Variants in MYO5A observed in about 807,000 individuals in gnomAD.
MYO5A encodes the protein unconventional myosin-Va.
MYO5A carries 98 observed loss-of-function variants against 249.7 expected under a neutral mutation model. The ratio of observed to expected loss-of-function variants is 0.39; its 90% CI spans 0.33 to 0.46. The LOEUF (loss-of-function observed/expected upper bound fraction) is 0.46. MYO5A is among the 20% of genes least tolerant of loss of function. The pLI is 0.98. For synonymous variants in MYO5A, 778 were observed against 810.6 expected (o/e 0.96, Z 0.68); for missense variants, 1,696 against 2,308.8 (o/e 0.73, Z 5.44).
chr15:52,525,154 T>C (rs2077708171), intron 1 of MYO5A, among the ~76,000 whole-genome samples: 1 of 152,204 alleles, frequency 6.6e-6, no homozygotes, highest in African/African-American at 2.4e-5. Flanking sequence ...TCAGAAGCAA[T>C]GAGATATCAT....
chr15:52,329,674 T>A lies in MYO5A; in HGVS notation c.4555+679A>T, dbSNP rs188990448. 2.9e-4 allele frequency among the ~76,000 whole-genome samples: 44 copies of A among 152,318 alleles called. 1 individual carries two copies. Among genetic ancestry groups the A allele is most frequent in the Admixed American group, 7.2e-4 (11 of 15,302 alleles). ...CTAGGGGAGTAAGGAAAAACTGAAA[T>A]TCAGGAACCTAAACGGCCTAGAGCA... On this transcript the variant is annotated intron_variant, in intron 35 of 41. Coordinates refer to ENST00000399233, the MANE Select transcript of MYO5A (RefSeq NM_001382347.1).
intron 34 of MYO5A, among the ~76,000 whole-genome samples, chr15:52,332,768 A>C (rs2038947564): frequency 6.6e-6 from 1 of 152,180 alleles, no homozygotes; most frequent in Non-Finnish European, 1.5e-5. Flanking sequence ...GTTCAAGACC[A>C]CCCTGACCAA....
intron 1 of MYO5A, among the ~76,000 whole-genome samples, chr15:52,458,745 T>A (rs2076170717): frequency 6.9e-6 from 1 of 144,366 alleles, no homozygotes; most frequent in South Asian, 2.3e-4. Flanking sequence ...CACAAATACA[T>A]ACAAATATAA....
intron 34 of MYO5A, chr15:52,331,801 A>T (rs552772292): frequency 1.0e-6 from 1 of 985,438 alleles, no homozygotes; most frequent in East Asian, 1.1e-4. Context: ...AATCTGGTTT[A>T]GGTGAAGTCA....
At chr15:52,496,146 T>TA (rs2077034357) in intron 1 of MYO5A, among the ~76,000 whole-genome samples, 2 of 152,036 alleles carry the variant, frequency 1.3e-5, no homozygotes, top group South Asian at 4.2e-4. Context: ...TGGCCTGAGT[T>TA]AAGCTAAGGC....
intron 5 of MYO5A, among the ~76,000 whole-genome samples, chr15:52,411,374 T>C (rs551069984): frequency 6.6e-6 from 1 of 152,290 alleles, no homozygotes; most frequent in South Asian, 2.1e-4. Flanking sequence ...AAAGTAAAAT[T>C]TGGCTTTGGA....
Position 52,311,465 on chromosome 15 carries a change from T to C in MYO5A, c.*2231A>G, listed in dbSNP as rs190202949. On this transcript the variant is annotated 3_prime_UTR_variant, in exon 42 of 42. Transcript: ENST00000399233. ...GAAAAACTGGGAGAATTTGATGCAA[T>C]TGGTAGTGTTTCTGGTTGATACTGC... The C allele has an allele frequency of 3.3e-5, 5 of 152,218 alleles. No individual in the cohort carries two copies. The highest frequency in any genetic ancestry group is 9.6e-5 in the African/African-American group (4 of 41,456). 9.4% of individuals were successfully genotyped at this position (152,218 alleles called of 1,614,324 possible).
chr15:52,474,947 G>C (rs1481446722), intron 1 of MYO5A, among the ~76,000 whole-genome samples: 1 of 152,202 alleles, frequency 6.6e-6, no homozygotes, highest in Non-Finnish European at 1.5e-5. Context: ...GATTGGAATA[G>C]TTTCAGAAGG....
At chr15:52,341,130 A>G (rs1201902802) in intron 31 of MYO5A, among the ~76,000 whole-genome samples, 1 of 152,196 alleles carries the variant, frequency 6.6e-6, no homozygotes, top group East Asian at 1.9e-4. Context: ...TAAACTTCCA[A>G]ATTAACTAAA....
At chr15:52,516,233 AG>A (rs1416069733) in intron 1 of MYO5A, among the ~76,000 whole-genome samples, 1 of 152,200 alleles carries the variant, frequency 6.6e-6, no homozygotes, top group Non-Finnish European at 1.5e-5. Flanking sequence ...CCTCGCTTTC[AG>A]GACCCTGGGA....
intron 3 of MYO5A, 86 bp from the exon 4 acceptor site, chr15:52,426,060 G>A: frequency 8.8e-7 from 1 of 1,132,842 alleles, no homozygotes; most frequent in Admixed American, 1.9e-5. Flanking sequence ...GAGACTCACA[G>A]TTAACACAAT....
chr15:52,524,641 G>A (rs564611434), intron 1 of MYO5A, among the ~76,000 whole-genome samples: 166 of 152,186 alleles, frequency 1.1e-3, no homozygotes, highest in African/African-American at 3.8e-3. Flanking sequence ...ACTATGGGAG[G>A]TGGAAGCAGG....
intron 1 of MYO5A, among the ~76,000 whole-genome samples, chr15:52,513,643 CTGGTCT>C (rs1362886272): frequency 2.0e-5 from 3 of 151,506 alleles, no homozygotes; most frequent in Non-Finnish European, 4.4e-5. Context: ...GCTGGCCAGG[CTGGTCT>C]CGAACTCCTG....
intron 1 of MYO5A, among the ~76,000 whole-genome samples, chr15:52,493,050 GCC>G (rs60161664): frequency 0.15 from 22,790 of 152,112 alleles, 1,795 homozygotes; most frequent in Middle Eastern, 0.22. Flanking sequence ...GGGAAGAAAG[GCC>G]TGAGGTGCAG....
chr15:52,334,371 T>A (rs777837828), intron 34 of MYO5A, among the ~76,000 whole-genome samples: 1 of 152,218 alleles, frequency 6.6e-6, no homozygotes, highest in East Asian at 1.9e-4. Flanking sequence ...CTGATTATCA[T>A]CTCATGATAT....
chr15:52,456,156 T>C (rs754270889), intron 1 of MYO5A, among the ~76,000 whole-genome samples: 16 of 152,148 alleles, frequency 1.1e-4, no homozygotes, highest in Non-Finnish European at 2.1e-4. Context: ...GTAACATTTA[T>C]ATATGCCAAC....
intron 1 of MYO5A, among the ~76,000 whole-genome samples, chr15:52,447,810 G>A (rs938529209): frequency 6.6e-6 from 1 of 152,196 alleles, no homozygotes; most frequent in Non-Finnish European, 1.5e-5. Flanking sequence ...GGGATCTGTG[G>A]AACTTTGAAC....
chr15:52,378,411 C>CT (rs942965601), intron 18 of MYO5A, among the ~76,000 whole-genome samples: 4 of 149,690 alleles, frequency 2.7e-5, no homozygotes, highest in Admixed American at 2.0e-4. Context: ...ATCCCAGCTA[C>CT]TGGGGGGGCT....
At chr15:52,340,804 C>T (rs2039343593) in intron 31 of MYO5A, among the ~76,000 whole-genome samples, 1 of 151,982 alleles carries the variant, frequency 6.6e-6, no homozygotes, top group Non-Finnish European at 1.5e-5. Context: ...AAAAATTAGT[C>T]AGGCGTGTTG....
Sources: allele counts gnomAD v4.1 joint callset (sites outside exome capture counted in the v4.1 genomes callset), GRCh38; gene constraint gnomAD v4.1.1; transcripts MANE v1.5; gene names NCBI Gene and HGNC (gene_info 2026-07-23, HGNC 2026-07-21).